DCAF5: variants seen among roughly 807,000 people sequenced by gnomAD.
DCAF5 encodes the protein DDB1 and CUL4 associated factor 5.
A neutral mutation model predicts 80.7 loss-of-function variants in DCAF5; 9 were observed. The observed-to-expected ratio is 0.11, with a 90% CI of 0.07 to 0.19. The LOEUF (loss-of-function observed/expected upper bound fraction) is 0.19, where lower values mean the gene tolerates loss of function less well. DCAF5 is among the 10% of genes least tolerant of loss of function. The probability of loss-of-function intolerance (pLI) is 1.00; values close to 1 mark genes in which losing one functional copy is unlikely to be tolerated. For missense variants in DCAF5, 842 were observed against 1,205.7 expected (o/e 0.70, Z 4.47); for synonymous variants, 433 against 461.9 (o/e 0.94, Z 0.80).
chr14:69,058,172 G>A (rs1272523649), intron 8 of DCAF5, among the ~76,000 whole-genome samples: 1 of 152,096 alleles, frequency 6.6e-6, no homozygotes, highest in African/African-American at 2.4e-5. Context: ...TCTTTACACT[G>A]GAAAGTTAAC....
intron 1 of DCAF5, among the ~76,000 whole-genome samples, chr14:69,135,107 C>T (rs1041777892): frequency 6.6e-6 from 1 of 152,194 alleles, no homozygotes; most frequent in Non-Finnish European, 1.5e-5. Flanking sequence ...CAGTTGTTCT[C>T]GAAGTGTGTC....
chr14:69,122,106 A>G (rs558226357), intron 2 of DCAF5, 111 bp downstream of exon 2: 31 of 1,287,124 alleles, frequency 2.4e-5, no homozygotes, highest in Non-Finnish European at 3.3e-5. Flanking sequence ...AGAAACCAGT[A>G]ATTCCACAGC....
chr14:69,141,139 T>TTTA (rs34483517), intron 1 of DCAF5, among the ~76,000 whole-genome samples: 5 of 59,380 alleles, frequency 8.4e-5, no homozygotes, highest in African/African-American at 2.7e-4. Flanking sequence ...ATCTCAAATT[T>TTTA]AAAAAAAAAA....
At chr14:69,109,539 G>T (rs1015009363) in intron 5 of DCAF5, among the ~76,000 whole-genome samples, 1 of 151,988 alleles carries the variant, frequency 6.6e-6, no homozygotes, top group African/African-American at 2.4e-5. Context: ...TAACTTGCCT[G>T]TTCTTGAGCA....
chr14:69,095,436 G>A (rs996611854), intron 5 of DCAF5, among the ~76,000 whole-genome samples: 3 of 152,174 alleles, frequency 2.0e-5, no homozygotes, highest in Non-Finnish European at 2.9e-5. Context: ...GGTGATCCAA[G>A]GTGATCCAAA....
In DCAF5 at chr14:69,055,227, G is replaced by A. The variant is rs377499845; in HGVS notation, c.1459C>T (p.Arg487Trp). Reference protein sequence around the residue: ...ADNAFHLGPLRVTTTNTVAST... With the variant: ...ADNAFHLGPLWVTTTNTVAST... Reference sequence around the variant, plus strand: ...GCTACTGTGTTTGTGGTGGTGACCCGCAGGGGCCCCAGGTGGAAGGCGTTG... The same window carrying A: ...GCTACTGTGTTTGTGGTGGTGACCCACAGGGGCCCCAGGTGGAAGGCGTTG... Residue 487 changes from arginine to tryptophan, a missense_variant, in exon 9 of 9, where the codon CGG becomes TGG. Arg to Trp is a moderately radical substitution (Grantham distance 101). Transcript: ENST00000341516. The surrounding 1 kb of genome is among the most constrained non-coding windows in gnomAD (Gnocchi z 5.6). 5 of 1,614,038 alleles carry A rather than the reference G, an allele frequency of 3.1e-6. No homozygotes were observed. Among genetic ancestry groups the A allele is most frequent in the African/African-American group, 2.7e-5 (2 of 74,924 alleles).
chr14:69,085,935 A>C (rs2039301028), intron 6 of DCAF5, among the ~76,000 whole-genome samples: 1 of 152,224 alleles, frequency 6.6e-6, no homozygotes, highest in South Asian at 2.1e-4. Context: ...TACAGTCATA[A>C]ACAAGAAACT....
At chr14:69,094,186 A>G (rs2039623096) in intron 5 of DCAF5, among the ~76,000 whole-genome samples, 2 of 152,202 alleles carry the variant, frequency 1.3e-5, no homozygotes, top group African/African-American at 4.8e-5. Context: ...AGGGGTTTGC[A>G]GCAGCTCAGG....
chr14:69,058,133 A>C (rs976869568), intron 8 of DCAF5, among the ~76,000 whole-genome samples: 1 of 152,204 alleles, frequency 6.6e-6, no homozygotes, highest in African/African-American at 2.4e-5. Context: ...TTAATATATA[A>C]ATTCCAACCA....
At chr14:69,072,610 G>A (rs1387780639) in intron 7 of DCAF5, among the ~76,000 whole-genome samples, 3 of 119,816 alleles carry the variant, frequency 2.5e-5, no homozygotes, top group Non-Finnish European at 3.2e-5. Flanking sequence ...GCAACATAGC[G>A]AGACCCTGAC....
chr14:69,141,165 A>C (rs910581692), intron 1 of DCAF5, among the ~76,000 whole-genome samples: 27 of 148,772 alleles, frequency 1.8e-4, no homozygotes, highest in Non-Finnish European at 2.7e-4. Flanking sequence ...AAAAAAAAAA[A>C]AAAGTGGCAG....
chr14:69,144,339 G>A (rs1417844101), intron 1 of DCAF5, among the ~76,000 whole-genome samples: 2 of 152,038 alleles, frequency 1.3e-5, no homozygotes, highest in Non-Finnish European at 2.9e-5. Context: ...TTGGGAGGCC[G>A]AGGTGGGCGG....
intron 7 of DCAF5, among the ~76,000 whole-genome samples, chr14:69,063,039 A>G (rs750491708): frequency 2.6e-5 from 4 of 152,256 alleles, no homozygotes; most frequent in Non-Finnish European, 4.4e-5. Flanking sequence ...ACTGGGGGAA[A>G]TAATAGAGAG....
chr14:69,103,423 A>G (rs989805231), intron 5 of DCAF5, among the ~76,000 whole-genome samples: 1 of 152,186 alleles, frequency 6.6e-6, no homozygotes, highest in African/African-American at 2.4e-5. Context: ...TGTTACTTGT[A>G]TTTCTTTTTC....
chr14:69,133,632 G>C (rs939531468), intron 1 of DCAF5, among the ~76,000 whole-genome samples: 1 of 152,122 alleles, frequency 6.6e-6, no homozygotes, highest in Non-Finnish European at 1.5e-5. Context: ...AGTAGCTATA[G>C]GGATAACATC....
intron 5 of DCAF5, among the ~76,000 whole-genome samples, chr14:69,099,300 A>ACACACACACAC (rs2039867597): frequency 6.9e-6 from 1 of 145,166 alleles, no homozygotes; most frequent in African/African-American, 2.6e-5. Flanking sequence ...ACACACACAC[A>ACACACACACAC]ACTAACAAAG....
At chr14:69,134,160 CCAGTTACAGGCAGAG>C (rs1349592147) in intron 1 of DCAF5, among the ~76,000 whole-genome samples, 1 of 152,126 alleles carries the variant, frequency 6.6e-6, no homozygotes, top group African/African-American at 2.4e-5. Context: ...GAGCACACTG[CCAGTTACAGGCAGAG>C]TGGGATTCAA....
At chr14:69,101,489 G>C (rs1471237214) in intron 5 of DCAF5, among the ~76,000 whole-genome samples, 1 of 152,218 alleles carries the variant, frequency 6.6e-6, no homozygotes, top group Non-Finnish European at 1.5e-5. Flanking sequence ...GGGGAGACAG[G>C]AGTGGGAGTA....
chr14:69,103,620 CATTT>C (rs1566757117), intron 5 of DCAF5, among the ~76,000 whole-genome samples: 1 of 152,188 alleles, frequency 6.6e-6, no homozygotes, highest in Non-Finnish European at 1.5e-5. Context: ...TACATGCATT[CATTT>C]GTGTTAGGTG....
Sources: allele counts gnomAD v4.1 joint callset (sites outside exome capture counted in the v4.1 genomes callset), GRCh38; gene constraint gnomAD v4.1.1; non-coding constraint Gnocchi (gnomAD v3.1); transcripts MANE v1.5; gene names NCBI Gene and HGNC (gene_info 2026-07-23, HGNC 2026-07-21).